The following JCAD variants were observed in gnomAD, a reference collection of about 807,000 sequenced individuals.
JCAD encodes junctional cadherin 5-associated protein.
A neutral mutation model predicts 98.0 loss-of-function variants in JCAD; 40 were observed. The observed-to-expected ratio is 0.41, with a 90% CI of 0.32 to 0.53. The LOEUF is 0.53. Among genes scored for constraint, JCAD ranks in the 20% least tolerant of loss-of-function variants. The pLI is 0.31. For missense variants in JCAD, 1,705 were observed against 1,738.1 expected, an observed-to-expected ratio of 0.98 and a Z score of 0.34; for synonymous variants, 691 against 682.3, an observed-to-expected ratio of 1.01 and a Z score of -0.20.
At position 30,059,582 on chromosome 10, in the gene JCAD, T is replaced by G. The variant is rs1416507030; in HGVS notation, c.-160A>C. The G allele has an allele frequency of 7.6e-6, 1 of 132,102 alleles. No homozygotes were observed. The highest frequency in any genetic ancestry group is 1.5e-5 in the Non-Finnish European group (1 of 66,750). 8.2% of individuals were successfully genotyped at this position (132,102 alleles called of 1,614,324 possible). On this transcript the variant is annotated 5_prime_UTR_variant, in exon 1 of 4. An upstream start codon of the reference 5' UTR is lost. Transcript: ENST00000375377. This position sits in a 1 kb window ranked among gnomAD's most constrained non-coding sequence, Gnocchi z 5.0. ...CGCCTGCAGCCGCCGAGGCCGAGCA[T>G]GCCCGGAGAACCGCCGTCCGCCCCG... is the stretch of plus-strand genomic sequence containing the variant.
chr10:30,022,606 C>T (rs773359321), intron 3 of JCAD, among the ~76,000 whole-genome samples: 2 of 152,174 alleles, frequency 1.3e-5, no homozygotes, highest in Non-Finnish European at 2.9e-5. Context: ...ATATTGAGGC[C>T]TGGTGACCAT....
chr10:30,055,039 A>G (rs1414113821), intron 1 of JCAD, among the ~76,000 whole-genome samples: 3 of 152,248 alleles, frequency 2.0e-5, no homozygotes, highest in Non-Finnish European at 1.5e-5. Flanking sequence ...ATTGAAGAAA[A>G]GAATAAATGA....
chr10:30,092,034 CAAAAAAAAAA>C lies in JCAD; in HGVS notation n.129-22223_129-22214del, dbSNP rs1198107053. On this transcript the variant is annotated intron_variant and non_coding_transcript_variant, in intron 1 of 2. Transcript: ENST00000465712. ...CAGAGCGAGACTCCATCCCCCACCA[CAAAAAAAAAA>C]AAAAAAAAAAAAAAAAAAAAATATA... Among the ~76,000 whole-genome samples, 233 of 35,362 alleles carry C rather than the reference CAAAAAAAAAA, an allele frequency of 6.6e-3. 1 individual carries two copies. The highest frequency in any genetic ancestry group is 0.031 in the African/African-American group (223 of 7,146). The allele number at this position is 35,362 out of a possible 152,430, so 23.2% of individuals were successfully genotyped here.
At chr10:30,037,736 G>A (rs139700123) in intron 2 of JCAD, among the ~76,000 whole-genome samples, 17 of 152,130 alleles carry the variant, frequency 1.1e-4, no homozygotes, top group African/African-American at 4.1e-4. Flanking sequence ...ATTTGAAGAA[G>A]GGGCACAGGA....
chr10:30,074,529 G>T (rs1837948006), intron 1 of JCAD, among the ~76,000 whole-genome samples: 1 of 152,236 alleles, frequency 6.6e-6, no homozygotes, highest in African/African-American at 2.4e-5. Flanking sequence ...AACAGGACCT[G>T]CACCTGTGCC....
chr10:30,076,831 G>T (rs747791307), intron 1 of JCAD, among the ~76,000 whole-genome samples: 5 of 152,052 alleles, frequency 3.3e-5, no homozygotes, highest in Non-Finnish European at 5.9e-5. Context: ...GCTTGTCAAG[G>T]GTAGAAAGAA....
In JCAD at chr10:30,026,642, G is replaced by A. The variant is rs1836810196; in HGVS notation, c.3506C>T (p.Ala1169Val). ...FVGDRDSARRAPQAFEHSDVD... is the reference protein window; with the variant it reads ...FVGDRDSARRVPQAFEHSDVD... ...ATCTGAGTGCTCAAAAGCCTGAGGA[G>A]CCCGCCTGGCACTGTCCCTGTCCCC... The change falls in exon 3 of 4, where the codon GCT (alanine) becomes GTT (valine). Residue 1169 changes from alanine to valine, a missense_variant. Ala to Val is a moderately conservative substitution (Grantham distance 64, BLOSUM62 0). Coordinates refer to ENST00000375377, the MANE Select transcript of JCAD (RefSeq NM_020848.4). The A allele has an allele frequency of 6.2e-7, 1 of 1,612,994 alleles. No homozygotes were observed. Among genetic ancestry groups the A allele is most frequent in the African/African-American group, 1.3e-5 (1 of 74,876 alleles).
intron 2 of JCAD, among the ~76,000 whole-genome samples, chr10:30,066,685 T>C (rs1837789944): frequency 6.6e-6 from 1 of 152,138 alleles, no homozygotes; most frequent in African/African-American, 2.4e-5. Context: ...TAATCAAGAA[T>C]AAATCAAAAT....
rs1259434641 is a variant in JCAD, at chr10:30,047,672, A to G, written c.141T>C (p.His47=). The G allele has an allele frequency of 6.2e-7, 1 of 1,614,150 alleles. No individual in the cohort carries two copies. Among genetic ancestry groups the G allele is most frequent in the Non-Finnish European group, 8.5e-7 (1 of 1,180,018 alleles). The change falls in exon 2 of 4, where the codon CAT becomes CAC. Residue 47 remains histidine, a synonymous_variant. Coordinates refer to ENST00000375377, the MANE Select transcript of JCAD (RefSeq NM_020848.4). ...GTGCGAGGGCCGCAGGGCCATCCTC[A>G]TGCCCGTTCTGCAGGCCCTGGCCTG... ...TRAGQGLQNG[H]EDGPAALAHR...
At chr10:30,088,232 A>G (rs1838197120) in intron 1 of JCAD, among the ~76,000 whole-genome samples, 1 of 152,214 alleles carries the variant, frequency 6.6e-6, no homozygotes, top group African/African-American at 2.4e-5. Context: ...AGAAATAGGA[A>G]GTCAGTCTGA....
At position 30,015,230 on chromosome 10, in the gene JCAD, C is replaced by T. The variant is rs1228407320; in HGVS notation, c.*2653G>A. 1 of 152,152 alleles carries T rather than the reference C, an allele frequency of 6.6e-6. No individual in the cohort carries two copies. Among genetic ancestry groups the T allele is most frequent in the African/African-American group, 2.4e-5 (1 of 41,424 alleles). 9.4% of individuals were successfully genotyped at this position (152,152 alleles called of 1,614,324 possible). Reference sequence around the variant, plus strand: ...TGAGCTCCAAATTATTAAACACCAACAGTAAATTGTGTGCATGAGAAGAAC... The same window carrying T: ...TGAGCTCCAAATTATTAAACACCAATAGTAAATTGTGTGCATGAGAAGAAC... On this transcript the variant is annotated 3_prime_UTR_variant, in exon 4 of 4. Coordinates refer to ENST00000375377, the MANE Select transcript of JCAD (RefSeq NM_020848.4).
intron 1 of JCAD, among the ~76,000 whole-genome samples, chr10:30,093,324 G>A (rs756307699): frequency 3.3e-5 from 5 of 152,172 alleles, no homozygotes; most frequent in Non-Finnish European, 7.3e-5. Context: ...AAATCCCAAT[G>A]GCATACTCAT....
chr10:30,045,776 C>A (rs537592535), intron 2 of JCAD, among the ~76,000 whole-genome samples: 1 of 152,196 alleles, frequency 6.6e-6, no homozygotes, highest in East Asian at 1.9e-4. Context: ...GATTTTCCCC[C>A]CTGAGCCTGG....
intron 3 of JCAD, among the ~76,000 whole-genome samples, chr10:30,022,272 C>A (rs572511726): frequency 2.0e-5 from 3 of 151,832 alleles, no homozygotes; most frequent in Non-Finnish European, 4.4e-5. Flanking sequence ...TGGGGTGGTG[C>A]GGATAGACAT....
Position 30,028,887 on chromosome 10 carries a change from C to G in JCAD, c.1261G>C (p.Val421Leu). 6.2e-7 allele frequency: 1 copy of G among 1,614,160 alleles called. No homozygotes were observed. The highest frequency in any genetic ancestry group is 8.5e-7 in the Non-Finnish European group (1 of 1,180,026). ...PRPVTAYDGF[V>L]QYIPFDDPRL... ...GGATCATCAAAGGGAATGTACTGAA[C>G]GAAGCCGTCATAGGCAGTGACAGGT... The change falls in exon 3 of 4, where the codon GTT (valine) becomes CTT (leucine). Residue 421 changes from valine (V) to leucine (L), a missense_variant. This residue lies in a region of JCAD where 1,278 missense variants were observed against 1,243.1 expected (regional missense o/e 1.03). Transcript: ENST00000375377.
intron 1 of JCAD, among the ~76,000 whole-genome samples, chr10:30,094,649 G>C (rs753881289): frequency 6.6e-6 from 1 of 152,148 alleles, no homozygotes; most frequent in Non-Finnish European, 1.5e-5. Context: ...CAGTCTGGAG[G>C]AGACTGCATG....
intron 1 of JCAD, among the ~76,000 whole-genome samples, chr10:30,103,006 C>G (rs554887153): frequency 6.6e-6 from 1 of 152,286 alleles, no homozygotes; most frequent in Non-Finnish European, 1.5e-5. Flanking sequence ...CAGGTCCCTC[C>G]CATGACACAT....
intron 1 of JCAD, among the ~76,000 whole-genome samples, chr10:30,089,259 G>GGC (rs1838218302): frequency 6.6e-6 from 1 of 152,146 alleles, no homozygotes; most frequent in Non-Finnish European, 1.5e-5. Context: ...GGTGAGGGTG[G>GGC]GCTTCTGGCT....
chr10:30,100,930 A>G (rs1018899976), intron 1 of JCAD, among the ~76,000 whole-genome samples: 6 of 152,204 alleles, frequency 3.9e-5, no homozygotes, highest in African/African-American at 1.2e-4. Context: ...TGGAAGTGGG[A>G]CTTCCAAGTC....
Sources: gnomAD v4.1 joint callset for allele counts (sites outside exome capture counted in the v4.1 genomes callset) on GRCh38, gnomAD v4.1.1 for gene constraint, gnomAD v4.1.1 regional missense constraint, Gnocchi (gnomAD v3.1) non-coding constraint, MANE v1.5 for transcripts, NCBI Gene and HGNC (gene_info 2026-07-23, HGNC 2026-07-21) for gene names.